Variants in SNX25 observed in about 807,000 individuals in gnomAD.
SNX25 encodes sorting nexin 25.
A neutral mutation model predicts 113.7 loss-of-function variants in SNX25; 62 were observed. The ratio of observed to expected loss-of-function variants is 0.55; its 90% CI spans 0.44 to 0.67. The LOEUF (loss-of-function observed/expected upper bound fraction) is 0.67. SNX25 is among the 30% of genes least tolerant of loss of function. The pLI is 0.00. For synonymous variants in SNX25, 421 were observed against 436.2 expected (o/e 0.97, Z 0.43); for missense variants, 1,014 against 1,161.0 (o/e 0.87, Z 1.84).
chr4:185,308,046 A>C (rs1754701149), intron 6 of SNX25, among the ~76,000 whole-genome samples: 1 of 152,206 alleles, frequency 6.6e-6, no homozygotes, highest in South Asian at 2.1e-4. Context: ...GGTGGGGGCC[A>C]CCACGCCGGG....
At chr4:185,250,440 A>C (rs1018759992) in intron 2 of SNX25, among the ~76,000 whole-genome samples, 1 of 152,188 alleles carries the variant, frequency 6.6e-6, no homozygotes, top group Admixed American at 6.5e-5. Flanking sequence ...CCCAGATTTC[A>C]TGGTGTTTAT....
chr4:185,302,091 GTTTTTTTTGTT>G (rs1490490637), intron 6 of SNX25, among the ~76,000 whole-genome samples: 3 of 108,334 alleles, frequency 2.8e-5, no homozygotes, highest in African/African-American at 9.0e-5. Flanking sequence ...GTGTGTGTGT[GTTTTTTTTGTT>G]TTTTTTTTTT....
intron 5 of SNX25, among the ~76,000 whole-genome samples, chr4:185,285,255 A>G (rs1751182630): frequency 6.6e-6 from 1 of 152,198 alleles, no homozygotes; most frequent in Admixed American, 6.5e-5. Flanking sequence ...TTATTATTAT[A>G]AATATTACTG....
In SNX25 at chr4:185,339,514, G is replaced by A. The variant is rs907551350; in HGVS notation, c.2046+4G>A. On this transcript the variant is annotated splice_donor_region_variant and intron_variant, in intron 11 of 18. Coordinates refer to ENST00000652585, the MANE Select transcript of SNX25 (RefSeq NM_001378034.2). ...AGCCTCCATCACCAGTGGAGAGGTAGTTTTGACTGCTTTTCCTCTTAATTT... is the reference window on the plus strand; with the variant it reads ...AGCCTCCATCACCAGTGGAGAGGTAATTTTGACTGCTTTTCCTCTTAATTT... The A allele has an allele frequency of 1.2e-6, 2 of 1,605,980 alleles. No homozygotes were observed. The highest frequency in any genetic ancestry group is 2.2e-5 in the East Asian group (1 of 44,848).
chr4:185,273,535 G>A lies in SNX25; in HGVS notation c.1091+6380G>A, dbSNP rs543802080. The stretch of plus-strand genomic sequence containing the variant: ...TACATAGTTACCATTTTTTGTGTGT[G>A]GTGAGAACACCTAGGATCAACTCTT... On this transcript the variant is annotated intron_variant, in intron 5 of 18. Transcript: ENST00000652585. Among the ~76,000 whole-genome samples, 19 of 152,232 alleles carry A rather than the reference G, an allele frequency of 1.2e-4. 1 individual carries two copies. The highest frequency in any genetic ancestry group is 5.9e-4 in the Admixed American group (9 of 15,308).
At chr4:185,241,521 G>T (rs1445630206) in intron 1 of SNX25, among the ~76,000 whole-genome samples, 1 of 57,354 alleles carries the variant, frequency 1.7e-5, no homozygotes, top group Non-Finnish European at 5.1e-5. Context: ...AGAGGGAGAG[G>T]GAGAGGAGGG....
downstream of SNX25, chr4:185,374,258 G>T (rs2095425754): frequency 6.2e-7 from 1 of 1,613,870 alleles, no homozygotes; most frequent in African/African-American, 1.3e-5. Flanking sequence ...AGAAAGTGAG[G>T]CATGTTATTC....
At chr4:185,367,294 G>A, downstream of SNX25, 4 of 1,459,286 alleles carry the variant, frequency 2.7e-6, no homozygotes. Flanking sequence ...AATTGTTTGG[G>A]TCTTTCTTCT....
At chr4:185,287,843 C>T (rs568263100) in intron 5 of SNX25, among the ~76,000 whole-genome samples, 169 bp from the exon 6 acceptor site, 1 of 152,240 alleles carries the variant, frequency 6.6e-6, no homozygotes, top group South Asian at 2.1e-4. Context: ...TGGCATGGGG[C>T]CCGGCCTATT....
At chr4:185,229,603 T>C (rs72708014) in intron 1 of SNX25, among the ~76,000 whole-genome samples, 14,350 of 152,264 alleles carry the variant, frequency 0.094, 807 homozygotes, top group Non-Finnish European at 0.13. Context: ...TGCCCACGGC[T>C]GTCTCTGGGT....
At chr4:185,316,797 G>A (rs1321204232) in intron 7 of SNX25, among the ~76,000 whole-genome samples, 1 of 152,124 alleles carries the variant, frequency 6.6e-6, no homozygotes, top group Non-Finnish European at 1.5e-5. Context: ...ATCTTCCCTA[G>A]CCAAATTGAT....
At chr4:185,296,578 A>G (rs1416102233) in intron 6 of SNX25, among the ~76,000 whole-genome samples, 16 of 152,138 alleles carry the variant, frequency 1.1e-4, no homozygotes, top group Non-Finnish European at 2.1e-4. Context: ...TGCCTCAGCT[A>G]GTTTAATTTT....
At chr4:185,226,184 G>A (rs745811422) in intron 1 of SNX25, among the ~76,000 whole-genome samples, 3 of 152,182 alleles carry the variant, frequency 2.0e-5, no homozygotes, top group Admixed American at 6.5e-5. Flanking sequence ...AACCCATCAG[G>A]CATTTTGAGT....
At chr4:185,344,677 T>C (rs1461102437) in intron 12 of SNX25, among the ~76,000 whole-genome samples, 1 of 152,164 alleles carries the variant, frequency 6.6e-6, no homozygotes, top group African/African-American at 2.4e-5. Context: ...AAAACACGGT[T>C]TGAAGCCACG....
Position 185,288,057 on chromosome 4 carries a change from C to T in SNX25, c.1137C>T (p.Ser379=), listed in dbSNP as rs374332642. Residue 379 remains serine (S), a synonymous_variant, in exon 6 of 19, where the codon AGC becomes AGT. Coordinates refer to ENST00000652585, the MANE Select transcript of SNX25 (RefSeq NM_001378034.2). The part of the protein sequence containing the change: ...VEIIQATTIS[S]FPQLKRHKGK... ...TAATCCAGGCGACTACAATTAGCAG[C>T]TTTCCCCAACTGAAGAGGCACAAAG... 4.3e-6 allele frequency: 7 copies of T among 1,613,622 alleles called. No homozygotes were observed. The highest frequency in any genetic ancestry group is 5.9e-6 in the Non-Finnish European group (7 of 1,179,772).
chr4:185,274,325 C>T (rs777610142), intron 5 of SNX25, among the ~76,000 whole-genome samples: 1 of 152,188 alleles, frequency 6.6e-6, no homozygotes, highest in Non-Finnish European at 1.5e-5. Context: ...TCCCAAAGTG[C>T]TGGGATTACA....
chr4:185,362,764 C>T (rs923173145), intron 18 of SNX25, 53 bp downstream of exon 18: 199 of 1,458,750 alleles, frequency 1.4e-4, no homozygotes, highest in Admixed American at 2.8e-4. Flanking sequence ...TCTGTTTCTT[C>T]GTTTGGTCAG....
chr4:185,327,699 T>C (rs1290172460), intron 9 of SNX25, among the ~76,000 whole-genome samples: 5 of 152,188 alleles, frequency 3.3e-5, no homozygotes, highest in Non-Finnish European at 7.3e-5. Flanking sequence ...CAAACTTCCT[T>C]CATGTCTGTG....
chr4:185,299,733 A>G (rs1187623422), intron 6 of SNX25, among the ~76,000 whole-genome samples: 2 of 152,210 alleles, frequency 1.3e-5, no homozygotes, highest in Non-Finnish European at 2.9e-5. Flanking sequence ...ATGGGACATA[A>G]ACCAGGTTTC....
Sources: allele counts gnomAD v4.1 joint callset (sites outside exome capture counted in the v4.1 genomes callset), GRCh38; gene constraint gnomAD v4.1.1; transcripts MANE v1.5; gene names NCBI Gene and HGNC (gene_info 2026-07-23, HGNC 2026-07-21).